PRKCQ: variants seen among roughly 807,000 people sequenced by gnomAD.
PRKCQ encodes the protein protein kinase C theta type.
PRKCQ carries 41 observed loss-of-function variants against 91.2 expected under a neutral mutation model. The observed-to-expected ratio is 0.45, with a 90% CI of 0.35 to 0.58. The LOEUF is 0.58. PRKCQ is among the 20% of genes least tolerant of loss of function. The pLI is 0.00. For synonymous variants in PRKCQ, 307 were observed against 316.9 expected, an observed-to-expected ratio of 0.97 and a Z score of 0.33; for missense variants, 673 against 896.5, an observed-to-expected ratio of 0.75 and a Z score of 3.18.
At chr10:6,466,120 G>A (rs1471900201) in intron 12 of PRKCQ, among the ~76,000 whole-genome samples, 1 of 152,274 alleles carries the variant, frequency 6.6e-6, no homozygotes. Context: ...GCGTATGAAA[G>A]TGTAGAGCGA....
chr10:6,440,024 TC>T (rs1241004255), intron 16 of PRKCQ, among the ~76,000 whole-genome samples: 1 of 152,002 alleles, frequency 6.6e-6, no homozygotes, highest in East Asian at 1.9e-4. Context: ...GGGGGCGGTT[TC>T]CCCCCATGCT....
At chr10:6,506,714 A>G (rs1248815786) in intron 4 of PRKCQ, among the ~76,000 whole-genome samples, 1 of 152,230 alleles carries the variant, frequency 6.6e-6, no homozygotes, top group African/African-American at 2.4e-5. Flanking sequence ...CCATAAATGT[A>G]TAAAGTTAAA....
chr10:6,552,454 G>A lies in PRKCQ; in HGVS notation c.-10+27757C>T, dbSNP rs375236240. Among the ~76,000 whole-genome samples, 231 of 144,484 alleles carry A rather than the reference G, an allele frequency of 1.6e-3. 1 individual carries two copies. The highest frequency in any genetic ancestry group is 6.0e-3 in the African/African-American group (226 of 37,654). 94.8% of individuals were successfully genotyped at this position (144,484 alleles called of 152,430 possible). A position where few individuals can be genotyped will look rare whatever the true frequency, so the allele number is the denominator to read the frequency against. ...GTCTGCAACAGCAGGGCTCAAACCTGTTAGTCTTTTTTTTTTTTTTTTGTC... is the reference window on the plus strand; with the variant it reads ...GTCTGCAACAGCAGGGCTCAAACCTATTAGTCTTTTTTTTTTTTTTTTGTC... On this transcript the variant is annotated intron_variant, in intron 1 of 17. Coordinates refer to ENST00000263125, the MANE Select transcript of PRKCQ (RefSeq NM_006257.5).
the PRKCQ span, among the ~76,000 whole-genome samples, chr10:6,395,150 G>A: frequency 1.1e-4 from 15 of 140,756 alleles, no homozygotes; most frequent in African/African-American, 3.7e-4. Context: ...TGCAAGCTCC[G>A]CCTCCCGGGT....
chr10:6,504,110 T>C (rs185386289), intron 4 of PRKCQ, among the ~76,000 whole-genome samples: 52 of 152,370 alleles, frequency 3.4e-4, no homozygotes, highest in African/African-American at 1.1e-3. Context: ...ATTTCAACTA[T>C]GTACACTTAA....
At chr10:6,419,685 C>CT in the PRKCQ span, among the ~76,000 whole-genome samples, 122 of 108,006 alleles carry the variant, frequency 1.1e-3, no homozygotes, top group Non-Finnish European at 1.6e-3. Flanking sequence ...CTGAAATCTC[C>CT]TTTTTTTTTT....
At chr10:6,461,578 G>C (rs894269202) in intron 14 of PRKCQ, among the ~76,000 whole-genome samples, 1 of 152,082 alleles carries the variant, frequency 6.6e-6, no homozygotes, top group Non-Finnish European at 1.5e-5. Context: ...ACTCCAAATA[G>C]GGCAACCCTC....
intron 1 of PRKCQ, among the ~76,000 whole-genome samples, chr10:6,552,396 A>G (rs1029834130): frequency 6.6e-6 from 1 of 151,894 alleles, no homozygotes; most frequent in African/African-American, 2.4e-5. Flanking sequence ...ATTCAGGCTC[A>G]GTGCGTGCAG....
At chr10:6,487,123 C>A (rs757910005) in intron 8 of PRKCQ, among the ~76,000 whole-genome samples, 23 of 152,240 alleles carry the variant, frequency 1.5e-4, no homozygotes, top group Admixed American at 6.5e-4. Flanking sequence ...GCCCCTGTAC[C>A]CATGCCTCCT....
intron 15 of PRKCQ, among the ~76,000 whole-genome samples, chr10:6,446,357 GTT>G (rs66839272): frequency 1.6e-3 from 124 of 79,600 alleles, no homozygotes; most frequent in Middle Eastern, 0.012. Flanking sequence ...ACTATGCTCA[GTT>G]TTTTTTTTTT....
chr10:6,568,794 G>A (rs1162456558), intron 1 of PRKCQ, among the ~76,000 whole-genome samples: 22 of 152,128 alleles, frequency 1.4e-4, no homozygotes, highest in Admixed American at 1.2e-3. Context: ...CACCGCGCCC[G>A]GCCAGTTTAA....
the PRKCQ span, among the ~76,000 whole-genome samples, chr10:6,401,244 C>T: frequency 2.6e-5 from 4 of 152,238 alleles, no homozygotes; most frequent in South Asian, 2.1e-4. Context: ...TGCAACCTGC[C>T]GAAACCATCT....
chr10:6,554,937 A>G (rs1423307092), intron 1 of PRKCQ, among the ~76,000 whole-genome samples: 3 of 152,240 alleles, frequency 2.0e-5, no homozygotes, highest in Admixed American at 1.3e-4. Context: ...ACCATGGAAC[A>G]CTATACAGCC....
intron 1 of PRKCQ, among the ~76,000 whole-genome samples, chr10:6,577,426 C>T (rs956553635): frequency 2.0e-5 from 3 of 152,172 alleles, no homozygotes; most frequent in African/African-American, 7.2e-5. Flanking sequence ...GAGCTGAACA[C>T]ATAGCTGCTT....
At chr10:6,435,949 C>T (rs1040642764) in intron 16 of PRKCQ, among the ~76,000 whole-genome samples, 4 of 152,066 alleles carry the variant, frequency 2.6e-5, no homozygotes, top group African/African-American at 9.7e-5. Flanking sequence ...CCCGTCTCTA[C>T]AAAAAATACA....
At chr10:6,433,756 C>T (rs1833534117) in intron 16 of PRKCQ, among the ~76,000 whole-genome samples, 1 of 152,068 alleles carries the variant, frequency 6.6e-6, no homozygotes, top group Non-Finnish European at 1.5e-5. Context: ...AGGGGCTGGG[C>T]ACGGTGGCTC....
chr10:6,433,913 C>A (rs949191296), intron 16 of PRKCQ, among the ~76,000 whole-genome samples: 1 of 151,490 alleles, frequency 6.6e-6, no homozygotes, highest in African/African-American at 2.4e-5. Context: ...CGCCTGTAAC[C>A]CCAGCTATGC....
chr10:6,477,593 T>A (rs566696827), intron 12 of PRKCQ, among the ~76,000 whole-genome samples: 10 of 152,240 alleles, frequency 6.6e-5, no homozygotes, highest in Non-Finnish European at 1.2e-4. Context: ...AAGGGCTGGG[T>A]GCGTTGGCTC....
chr10:6,434,031 A>AG (rs1833559000), intron 16 of PRKCQ, among the ~76,000 whole-genome samples: 1 of 9,628 alleles, frequency 1.0e-4, no homozygotes, highest in Non-Finnish European at 2.5e-4. Flanking sequence ...AAGACTCCTT[A>AG]AAAAAAAAAA....
Sources: allele counts gnomAD v4.1 joint callset (sites outside exome capture counted in the v4.1 genomes callset), GRCh38; gene constraint gnomAD v4.1.1; transcripts MANE v1.5; gene names NCBI Gene and HGNC (gene_info 2026-07-23, HGNC 2026-07-21).